The following PTPRN2 variants were observed in gnomAD, a reference collection of about 807,000 sequenced individuals.
The protein encoded by PTPRN2 is protein tyrosine phosphatase receptor type N2.
Under a neutral mutation model 118.8 loss-of-function variants are expected in PTPRN2, and 74 were observed. That is an observed-to-expected ratio of 0.62 (90% CI 0.52 to 0.76). The LOEUF (loss-of-function observed/expected upper bound fraction) is 0.76. Among genes scored for constraint, PTPRN2 ranks in the 30% least tolerant of loss-of-function variants. The probability of loss-of-function intolerance (pLI) is 0.00; values close to 1 mark genes in which losing one functional copy is unlikely to be tolerated. For synonymous variants in PTPRN2, 641 were observed against 608.0 expected (o/e 1.05, Z -0.80); for missense variants, 1,481 against 1,394.4 (o/e 1.06, Z -0.99).
chr7:158,372,753 TTTTA>T (rs1425943196), intron 2 of PTPRN2, among the ~76,000 whole-genome samples: 1 of 152,222 alleles, frequency 6.6e-6, no homozygotes. Context: ...CCCTTTTGGT[TTTTA>T]TTTCTGTTTT....
chr7:158,088,047 T>C (rs1431093339), intron 10 of PTPRN2, among the ~76,000 whole-genome samples: 7 of 72,758 alleles, frequency 9.6e-5, no homozygotes, highest in Non-Finnish European at 2.1e-4. Flanking sequence ...CTTCCCCTGA[T>C]GAAGGAGGGA....
At chr7:158,321,967 C>T (rs113497940) in intron 2 of PTPRN2, among the ~76,000 whole-genome samples, 4 of 152,214 alleles carry the variant, frequency 2.6e-5, no homozygotes, top group Admixed American at 6.5e-5. Flanking sequence ...CGTGCCTCTG[C>T]GCGGAAGCCT....
At chr7:158,348,900 A>G (rs1214402742) in intron 2 of PTPRN2, among the ~76,000 whole-genome samples, 1 of 150,186 alleles carries the variant, frequency 6.7e-6, no homozygotes, top group African/African-American at 2.5e-5. Context: ...CCCTGAGGGC[A>G]CTGCTGAGGG....
intron 11 of PTPRN2, among the ~76,000 whole-genome samples, chr7:158,017,238 G>A (rs1022937097): frequency 4.6e-5 from 7 of 152,152 alleles, no homozygotes; most frequent in African/African-American, 1.7e-4. Context: ...CAGAAGAAAG[G>A]GCCATGGTAA....
intron 1 of PTPRN2, among the ~76,000 whole-genome samples, chr7:158,549,644 A>C (rs1182804536): frequency 6.6e-6 from 1 of 152,252 alleles, no homozygotes; most frequent in African/African-American, 2.4e-5. Context: ...GCTCGCTCCA[A>C]ACGCTGGAAG....
At position 158,230,276 on chromosome 7, in the gene PTPRN2, G is replaced by GA. The variant is rs556544778; in HGVS notation, c.278-25004dup. 3.0e-3 allele frequency among the ~76,000 whole-genome samples: 457 copies of GA among 151,800 alleles called. 3 individuals carry two copies. The highest frequency in any genetic ancestry group is 0.01 in the African/African-American group (417 of 41,412). On this transcript the variant is annotated intron_variant, in intron 3 of 22. Coordinates refer to ENST00000389418, the MANE Select transcript of PTPRN2 (RefSeq NM_002847.5). ...CTAAAGAGAGTTCTTCAGTCTGAAA[G>GA]AAAAAAAAGTAACATGCAAAAAGAA...
intron 2 of PTPRN2, among the ~76,000 whole-genome samples, chr7:158,458,102 G>A (rs76569279): frequency 0.019 from 2,917 of 152,260 alleles, 86 homozygotes; most frequent in South Asian, 0.067. Flanking sequence ...TCCATTATGC[G>A]TCCCTCAGTG....
chr7:157,784,653 CGT>C lies in PTPRN2; in HGVS notation c.1789-101718_1789-101717del. On this transcript the variant is annotated intron_variant, in intron 12 of 22. Transcript: ENST00000389418. This position sits in a 1 kb window ranked among gnomAD's most constrained non-coding sequence, Gnocchi z 4.6. ...AAACGGGCAGGGGCTGGGCTGATCCCGTATGAAACGGGCAGGGGCTGGGCTGA... is the reference window on the plus strand; with the variant it reads ...AAACGGGCAGGGGCTGGGCTGATCCCATGAAACGGGCAGGGGCTGGGCTGA... 8.2e-6 allele frequency among the ~76,000 whole-genome samples: 1 copy of C among 122,128 alleles called. No individual in the cohort carries two copies. The highest frequency in any genetic ancestry group is 1.9e-5 in the Non-Finnish European group (1 of 53,290). The allele number at this position is 122,128 out of a possible 152,430, so 80.1% of individuals were successfully genotyped here.
At chr7:158,383,562 C>T (rs936007772) in intron 2 of PTPRN2, among the ~76,000 whole-genome samples, 1 of 152,000 alleles carries the variant, frequency 6.6e-6, no homozygotes, top group Non-Finnish European at 1.5e-5. Flanking sequence ...CCTCCGGGAT[C>T]CCAAAAAATG....
At chr7:158,010,950 C>T (rs1033682269) in intron 11 of PTPRN2, among the ~76,000 whole-genome samples, 6 of 152,206 alleles carry the variant, frequency 3.9e-5, no homozygotes, top group African/African-American at 1.4e-4. Context: ...TTAACAAGAT[C>T]TTTCCACTTA....
chr7:158,441,370 G>GGTGA (rs1817161138), intron 2 of PTPRN2, among the ~76,000 whole-genome samples: 1 of 147,466 alleles, frequency 6.8e-6, no homozygotes, highest in Non-Finnish European at 1.5e-5. Context: ...GATGGCAGTG[G>GGTGA]TGGCAGTGGT....
intron 12 of PTPRN2, among the ~76,000 whole-genome samples, chr7:157,720,744 GA>G (rs1257348593): frequency 6.6e-6 from 1 of 152,166 alleles, no homozygotes; most frequent in Admixed American, 6.5e-5. Flanking sequence ...CTTTATAATA[GA>G]AATTACAAAA....
rs1805778186 is a variant in PTPRN2, at chr7:157,808,505, C to T, written c.1788+90168G>A. Among the ~76,000 whole-genome samples, 1 of 152,128 alleles carries T rather than the reference C, an allele frequency of 6.6e-6. No individual in the cohort carries two copies. The highest frequency in any genetic ancestry group is 2.4e-5 in the African/African-American group (1 of 41,406). ...GCATGTGAGGGATCCAGGTTGCACG[C>T]TCCTTATGAAAATCTAATGCCTGAT... is the stretch of plus-strand genomic sequence containing the variant. On this transcript the variant is annotated intron_variant, in intron 12 of 22. Transcript: ENST00000389418. This position sits in a 1 kb window ranked among gnomAD's most constrained non-coding sequence, Gnocchi z 5.0.
chr7:158,463,594 C>T (rs1819164300), intron 2 of PTPRN2, among the ~76,000 whole-genome samples: 1 of 151,170 alleles, frequency 6.6e-6, no homozygotes, highest in Non-Finnish European at 1.5e-5. Context: ...ATCACCGTCA[C>T]CATCATCATT....
At chr7:157,656,278 G>T in intron 14 of PTPRN2, 79 bp downstream of exon 14, 1 of 1,392,014 alleles carries the variant, frequency 7.2e-7, no homozygotes. Context: ...GTCAGCGGGC[G>T]CAGATGCTGG....
chr7:158,325,365 CT>C (rs55975155), intron 2 of PTPRN2, among the ~76,000 whole-genome samples: 58,130 of 150,018 alleles, frequency 0.39, 11,494 homozygotes, highest in South Asian at 0.52. Flanking sequence ...ACTTATATGT[CT>C]TTTTTTTTTT....
chr7:157,692,146 C>G (rs1585247712), intron 12 of PTPRN2, among the ~76,000 whole-genome samples: 2 of 152,188 alleles, frequency 1.3e-5, no homozygotes, highest in African/African-American at 4.8e-5. Flanking sequence ...CCTCCTAGGC[C>G]CCCCTCTCCC....
At chr7:158,148,408 A>T (rs1172514746) in intron 6 of PTPRN2, among the ~76,000 whole-genome samples, 2 of 119,356 alleles carry the variant, frequency 1.7e-5, no homozygotes, top group Non-Finnish European at 1.8e-5. Flanking sequence ...ATGACACCCC[A>T]TCTCACGCCA....
At chr7:158,008,186 G>T (rs1022515738) in intron 11 of PTPRN2, among the ~76,000 whole-genome samples, 2 of 151,994 alleles carry the variant, frequency 1.3e-5, no homozygotes, top group Admixed American at 1.3e-4. Context: ...TGCATTGCAC[G>T]TGTATGTGTG....
Sources: gnomAD v4.1 joint callset for allele counts (sites outside exome capture counted in the v4.1 genomes callset) on GRCh38, gnomAD v4.1.1 for gene constraint, Gnocchi (gnomAD v3.1) non-coding constraint, MANE v1.5 for transcripts, NCBI Gene and HGNC (gene_info 2026-07-23, HGNC 2026-07-21) for gene names.